KLHL29: variants seen among roughly 807,000 people sequenced by gnomAD.
KLHL29 encodes kelch-like protein 29.
Under a neutral mutation model 80.4 loss-of-function variants are expected in KLHL29, and 21 were observed. The observed-to-expected ratio is 0.26, with a 90% CI of 0.19 to 0.38. The LOEUF is 0.38. Among genes scored for constraint, KLHL29 ranks in the 10% least tolerant of loss-of-function variants. KLHL29 has a pLI of 1.00. For synonymous variants in KLHL29, 511 were observed against 526.8 expected, an observed-to-expected ratio of 0.97 and a Z score of 0.41; for missense variants, 867 against 1,223.9, an observed-to-expected ratio of 0.71 and a Z score of 4.35.
intron 1 of KLHL29, among the ~76,000 whole-genome samples, chr2:23,414,402 G>A (rs908537140): frequency 3.9e-5 from 6 of 152,246 alleles, no homozygotes; most frequent in African/African-American, 7.2e-5. Context: ...TCTCCATCCC[G>A]TCTCAGAAAG....
At chr2:23,508,416 T>C (rs531875013) in intron 2 of KLHL29, among the ~76,000 whole-genome samples, 13 of 152,350 alleles carry the variant, frequency 8.5e-5, no homozygotes, top group African/African-American at 2.6e-4. Flanking sequence ...TACCGGGCTT[T>C]CTGCTCATAC....
intron 6 of KLHL29, among the ~76,000 whole-genome samples, chr2:23,685,927 G>A (rs150622663): frequency 0.011 from 1,616 of 152,344 alleles, 14 homozygotes; most frequent in Middle Eastern, 0.031. Context: ...AAGGGGGCAG[G>A]TCAGTGCTGA....
intron 5 of KLHL29, among the ~76,000 whole-genome samples, chr2:23,664,169 C>T (rs1670494010): frequency 6.6e-6 from 1 of 152,184 alleles, no homozygotes; most frequent in Non-Finnish European, 1.5e-5. Context: ...GAGTTAATCA[C>T]CTCCCATCGG....
At chr2:23,657,579 A>G (rs1470297183) in intron 5 of KLHL29, among the ~76,000 whole-genome samples, 1 of 152,210 alleles carries the variant, frequency 6.6e-6, no homozygotes, top group African/African-American at 2.4e-5. Flanking sequence ...ATTCGGGCAA[A>G]TTACTCTGCA....
intron 1 of KLHL29, among the ~76,000 whole-genome samples, chr2:23,397,881 G>A (rs557646513): frequency 2.0e-5 from 3 of 152,298 alleles, no homozygotes; most frequent in African/African-American, 7.2e-5. Flanking sequence ...ACTAATCATT[G>A]GGGAAATGGA....
At chr2:23,674,597 C>T (rs1670871922) in intron 5 of KLHL29, among the ~76,000 whole-genome samples, 1 of 152,216 alleles carries the variant, frequency 6.6e-6, no homozygotes, top group Non-Finnish European at 1.5e-5. Context: ...GGAAAAGCAG[C>T]AGCACCTCTG....
intron 1 of KLHL29, among the ~76,000 whole-genome samples, chr2:23,446,861 C>CTGATGACT (rs1384005923): frequency 6.6e-6 from 1 of 152,172 alleles, no homozygotes; most frequent in Non-Finnish European, 1.5e-5. Context: ...TCACATAAGA[C>CTGATGACT]TGATGACTTT....
chr2:23,695,868 C>A lies in KLHL29; in HGVS notation c.1741+47C>A. On this transcript the variant is annotated intron_variant, in intron 9 of 13. Coordinates refer to ENST00000486442, the MANE Select transcript of KLHL29 (RefSeq NM_052920.2). This position sits in a 1 kb window ranked among gnomAD's most constrained non-coding sequence, Gnocchi z 7.6. ...ACCTCCCAAGAAGCAGTGTCTTGGG[C>A]TCAGTGGTTCCAGTGAGGTGCCAGG... is the stretch of plus-strand genomic sequence containing the variant. 6.5e-7 allele frequency: 1 copy of A among 1,535,086 alleles called. No homozygotes were observed. The highest frequency in any genetic ancestry group is 1.2e-5 in the South Asian group (1 of 81,444).
chr2:23,389,511 A>T (rs1558320366), intron 1 of KLHL29, among the ~76,000 whole-genome samples: 1 of 142,698 alleles, frequency 7.0e-6, no homozygotes. Context: ...ATCATGAATA[A>T]GAAATCCAGC....
At chr2:23,706,208 G>A (rs762181366) in intron 13 of KLHL29, among the ~76,000 whole-genome samples, 45 of 152,206 alleles carry the variant, frequency 3.0e-4, no homozygotes, top group Non-Finnish European at 5.0e-4. Context: ...GAGATCTTTC[G>A]TCTCCTAGCC....
At chr2:23,582,657 AT>A (rs1668015339) in intron 3 of KLHL29, among the ~76,000 whole-genome samples, 1 of 152,148 alleles carries the variant, frequency 6.6e-6, no homozygotes, top group Admixed American at 6.5e-5. Flanking sequence ...ACTTGCTACA[AT>A]TTCCCAGTTC....
intron 3 of KLHL29, among the ~76,000 whole-genome samples, chr2:23,565,854 G>C (rs1667576965): frequency 6.6e-6 from 1 of 152,232 alleles, no homozygotes; most frequent in Non-Finnish European, 1.5e-5. Flanking sequence ...AGTGACTGGG[G>C]GACTAGTGTC....
chr2:23,568,331 T>C (rs1244959123), intron 3 of KLHL29, among the ~76,000 whole-genome samples: 1 of 152,124 alleles, frequency 6.6e-6, no homozygotes, highest in Non-Finnish European at 1.5e-5. Context: ...GCCATAACGG[T>C]TCTGTGGTTT....
chr2:23,404,531 G>A (rs543383196), intron 1 of KLHL29, among the ~76,000 whole-genome samples: 7 of 152,148 alleles, frequency 4.6e-5, no homozygotes, highest in Admixed American at 3.3e-4. Flanking sequence ...TCAGAAATCC[G>A]TGACATGATC....
At chr2:23,550,915 G>A (rs112654329) in intron 2 of KLHL29, among the ~76,000 whole-genome samples, 7 of 152,238 alleles carry the variant, frequency 4.6e-5, no homozygotes, top group Middle Eastern at 3.2e-3. Flanking sequence ...GCCCTGGGAG[G>A]GGGTAAGCCT....
chr2:23,684,667 TCC>T lies in KLHL29; in HGVS notation c.1079+131_1079+132del. On this transcript the variant is annotated intron_variant, in intron 6 of 13. Coordinates refer to ENST00000486442, the MANE Select transcript of KLHL29 (RefSeq NM_052920.2). The surrounding 1 kb of genome is among the most constrained non-coding windows in gnomAD (Gnocchi z 4.4). ...TCACAGAGCCAGTAGCCATCTCTCC[TCC>T]TCCTCCTCCTCCTCCTCCCCAGTAC... 1.8e-6 allele frequency: 1 copy of T among 557,880 alleles called. No homozygotes were observed. Among genetic ancestry groups the T allele is most frequent in the Non-Finnish European group, 3.0e-6 (1 of 337,270 alleles). The allele number at this position is 557,880 out of a possible 1,614,324, so 34.6% of individuals were successfully genotyped here. A position where few individuals can be genotyped will look rare whatever the true frequency, so the allele number is the denominator to read the frequency against.
At chr2:23,659,928 G>A (rs375813864) in intron 5 of KLHL29, among the ~76,000 whole-genome samples, 1 of 151,944 alleles carries the variant, frequency 6.6e-6, no homozygotes. Context: ...TCCCCTGCTT[G>A]GAGCCCTTCA....
rs962123860 is a variant in KLHL29, at chr2:23,457,717, C to G, written c.-153-17843C>G. On this transcript the variant is annotated intron_variant, in intron 1 of 13. Coordinates refer to ENST00000486442, the MANE Select transcript of KLHL29 (RefSeq NM_052920.2). This position sits in a 1 kb window ranked among gnomAD's most constrained non-coding sequence, Gnocchi z 4.3. ...CTGGCAAGACCTATTATCTGGGACT[C>G]TAAAGAAAACGTAAGGCCGGGCGCG... Among the ~76,000 whole-genome samples the G allele has an allele frequency of 2.6e-5, 4 of 152,096 alleles. No individual in the cohort carries two copies. In the East Asian group the frequency reaches 7.7e-4, roughly 29 times the overall value.
intron 2 of KLHL29, among the ~76,000 whole-genome samples, chr2:23,487,302 T>C (rs1664960388): frequency 6.6e-6 from 1 of 152,162 alleles, no homozygotes. Flanking sequence ...AGGCTTCTAG[T>C]GGTGTTTGGA....
Sources: allele counts gnomAD v4.1 joint callset (sites outside exome capture counted in the v4.1 genomes callset), GRCh38; gene constraint gnomAD v4.1.1; non-coding constraint Gnocchi (gnomAD v3.1); transcripts MANE v1.5; gene names NCBI Gene and HGNC (gene_info 2026-07-23, HGNC 2026-07-21).